LRBA: variants seen among roughly 807,000 people sequenced by gnomAD.
LRBA encodes the protein LPS responsive beige-like anchor protein, also known as lipopolysaccharide-responsive and beige-like anchor protein.
A neutral mutation model predicts 330.0 loss-of-function variants in LRBA; 176 were observed. The ratio of observed to expected loss-of-function variants is 0.53; its 90% confidence interval spans 0.47 to 0.60. The LOEUF is 0.60. LRBA is among the 20% of genes least tolerant of loss of function. The probability of loss-of-function intolerance (pLI) is 0.00; values close to 1 mark genes in which losing one functional copy is unlikely to be tolerated. For synonymous variants in LRBA, 1,230 were observed against 1,193.0 expected, an observed-to-expected ratio of 1.03 and a Z score of -0.64; for missense variants, 3,259 against 3,444.8, an observed-to-expected ratio of 0.95 and a Z score of 1.35.
intron 37 of LRBA, among the ~76,000 whole-genome samples, chr4:150,640,469 T>C (rs1778569291): frequency 6.6e-6 from 1 of 152,206 alleles, no homozygotes; most frequent in South Asian, 2.1e-4. Context: ...TCTCTTGTTA[T>C]GGTATAGAGC....
chr4:150,460,822 A>T (rs529939277), intron 44 of LRBA, among the ~76,000 whole-genome samples: 1 of 151,894 alleles, frequency 6.6e-6, no homozygotes, highest in Admixed American at 6.6e-5. Context: ...TAAAAATGTG[A>T]GTTGTAATTA....
At chr4:150,688,194 G>A (rs1173446348) in intron 36 of LRBA, among the ~76,000 whole-genome samples, 1 of 152,124 alleles carries the variant, frequency 6.6e-6, no homozygotes, top group African/African-American at 2.4e-5. Flanking sequence ...ACAAAAACAA[G>A]AAATGGGGAA....
rs193065724 is a variant in LRBA, at chr4:150,286,612, C to A, written c.8018-578G>T. On this transcript the variant is annotated intron_variant, in intron 53 of 56. Coordinates refer to ENST00000651943, the MANE Select transcript of LRBA (RefSeq NM_001364905.1). ...TTCATTCAAATAACCGAAAAAAAACCCAATATAAGAAACACCTAAAAAAAA... is the reference window on the plus strand; with the variant it reads ...TTCATTCAAATAACCGAAAAAAAACACAATATAAGAAACACCTAAAAAAAA... 3.0e-5 allele frequency among the ~76,000 whole-genome samples: 3 copies of A among 99,894 alleles called. No homozygotes were observed. The East Asian group carries it at 8.6e-4, about 29-fold the overall frequency. 65.5% of individuals were successfully genotyped at this position (99,894 alleles called of 152,430 possible). A position where few individuals can be genotyped will look rare whatever the true frequency, so the allele number is the denominator to read the frequency against.
At chr4:150,302,531 TCTCA>T in intron 53 of LRBA, 90 bp downstream of exon 53, 1 of 684,516 alleles carries the variant, frequency 1.5e-6, no homozygotes, top group Non-Finnish European at 2.3e-6. Context: ...GATAATCCTG[TCTCA>T]CTTTTACCAT....
At chr4:150,501,648 A>G (rs1760289777) in intron 40 of LRBA, among the ~76,000 whole-genome samples, 2 of 152,106 alleles carry the variant, frequency 1.3e-5, no homozygotes, top group African/African-American at 4.8e-5. Flanking sequence ...GGAACACATG[A>G]ACATAAACAC....
chr4:150,592,144 G>GTT (rs10685627), intron 38 of LRBA, among the ~76,000 whole-genome samples: 15,979 of 65,120 alleles, frequency 0.25, 5,681 homozygotes, highest in Non-Finnish European at 0.32. Context: ...GATGGCTAGG[G>GTT]TTTTTTTTTT....
At chr4:150,573,845 T>C (rs1770190319) in intron 40 of LRBA, among the ~76,000 whole-genome samples, 1 of 152,182 alleles carries the variant, frequency 6.6e-6, no homozygotes, top group Non-Finnish European at 1.5e-5. Context: ...TAGTGACTCA[T>C]GTTTTGAAAA....
At chr4:150,639,373 G>GAAAAAAAAAAAAAAAAAAAAAAAA (rs1428774639) in intron 37 of LRBA, among the ~76,000 whole-genome samples, 2 of 79,280 alleles carry the variant, frequency 2.5e-5, no homozygotes, top group Non-Finnish European at 6.3e-5. Context: ...AAAAAAAAAA[G>GAAAAAAAAAAAAAAAAAAAAAAAA]AAAAAAAAAA....
At chr4:150,704,563 A>C (rs1384567585) in intron 36 of LRBA, among the ~76,000 whole-genome samples, 5 of 152,126 alleles carry the variant, frequency 3.3e-5, no homozygotes, top group Non-Finnish European at 7.4e-5. Context: ...TTTTGATTTC[A>C]TTTATATAAT....
chr4:150,909,421 A>C (rs957750381), intron 9 of LRBA, among the ~76,000 whole-genome samples: 9 of 152,174 alleles, frequency 5.9e-5, no homozygotes, highest in African/African-American at 2.2e-4. Flanking sequence ...CAATGTCTTC[A>C]CAGTTCCTCC....
chr4:150,737,462 C>T (rs1035818231), intron 35 of LRBA, among the ~76,000 whole-genome samples: 8 of 141,858 alleles, frequency 5.6e-5, no homozygotes, highest in Non-Finnish European at 1.2e-4. Context: ...TCCGACAGAA[C>T]GAATGAACAA....
intron 36 of LRBA, among the ~76,000 whole-genome samples, chr4:150,711,869 A>G (rs1159764444): frequency 6.6e-6 from 1 of 152,164 alleles, no homozygotes; most frequent in Non-Finnish European, 1.5e-5. Context: ...TAATATCAAT[A>G]AAAGACCTTT....
At chr4:150,929,701 G>A (rs1308629459) in intron 2 of LRBA, among the ~76,000 whole-genome samples, 1 of 152,138 alleles carries the variant, frequency 6.6e-6, no homozygotes, top group Non-Finnish European at 1.5e-5. Context: ...TCCCCATACA[G>A]AGGGAAGGTT....
intron 37 of LRBA, among the ~76,000 whole-genome samples, chr4:150,610,870 G>A (rs929075987): frequency 3.3e-5 from 5 of 151,990 alleles, no homozygotes; most frequent in Admixed American, 2.0e-4. Context: ...CAATATAACT[G>A]GCTTATGATG....
intron 40 of LRBA, among the ~76,000 whole-genome samples, chr4:150,544,099 C>T (rs1477793308): frequency 6.6e-6 from 1 of 151,904 alleles, no homozygotes; most frequent in East Asian, 1.9e-4. Flanking sequence ...CTTACTAAAC[C>T]CTCAGCTCCA....
At chr4:150,875,608 A>G (rs909952480) in intron 17 of LRBA, among the ~76,000 whole-genome samples, 3 of 152,154 alleles carry the variant, frequency 2.0e-5, no homozygotes, top group African/African-American at 7.2e-5. Flanking sequence ...TGCTGACGGA[A>G]GTGTATAAAG....
chr4:150,916,416 A>T lies in LRBA; in HGVS notation c.879T>A (p.Asp293Glu). The stretch of plus-strand genomic sequence containing the variant: ...GATCATGTACCTTTTGTGGCTTGAA[A>T]TCAAATTTCACACAGTGTTGAAAGC... ...GKGFQHCVKFDFKPQKWYMVT... is the reference protein window; with the variant it reads ...GKGFQHCVKFEFKPQKWYMVT... Residue 293 changes from aspartate to glutamate, a missense_variant, in exon 7 of 57, where the codon GAT becomes GAA. By Grantham distance (45) the Asp-to-Glu change is conservative. Coordinates refer to ENST00000651943, the MANE Select transcript of LRBA (RefSeq NM_001364905.1). The T allele has an allele frequency of 6.2e-7, 1 of 1,613,156 alleles. No homozygotes were observed. Among genetic ancestry groups the T allele is most frequent in the Non-Finnish European group, 8.5e-7 (1 of 1,179,704 alleles).
intron 37 of LRBA, among the ~76,000 whole-genome samples, chr4:150,656,627 T>C (rs1316856530): frequency 2.0e-5 from 3 of 152,224 alleles, no homozygotes; most frequent in Non-Finnish European, 4.4e-5. Flanking sequence ...AGACATTTAC[T>C]ATGATAAAAT....
intron 40 of LRBA, among the ~76,000 whole-genome samples, chr4:150,524,366 A>G (rs1334135687): frequency 6.6e-6 from 1 of 152,186 alleles, no homozygotes; most frequent in Non-Finnish European, 1.5e-5. Flanking sequence ...TTATTTCACC[A>G]TAATTTTACC....
Sources: allele counts gnomAD v4.1 joint callset (sites outside exome capture counted in the v4.1 genomes callset), GRCh38; gene constraint gnomAD v4.1.1; transcripts MANE v1.5; gene names NCBI Gene and HGNC (gene_info 2026-07-23, HGNC 2026-07-21).